SCARB2: variants seen among roughly 807,000 people sequenced by gnomAD.
SCARB2 encodes lysosome membrane protein 2.
SCARB2 carries 29 observed loss-of-function variants against 58.6 expected under a neutral mutation model. That is an observed-to-expected ratio of 0.49 (90% CI 0.37 to 0.67). The LOEUF (loss-of-function observed/expected upper bound fraction) is 0.67. Among genes scored for constraint, SCARB2 ranks in the 30% least tolerant of loss-of-function variants. The pLI is 0.00. For missense variants in SCARB2, 488 were observed against 578.5 expected (o/e 0.84, Z 1.60); for synonymous variants, 195 against 210.1 (o/e 0.93, Z 0.62).
chr4:76,214,137 C>T (rs1733149828), upstream of SCARB2: 4 of 441,800 alleles, frequency 9.1e-6, no homozygotes, highest in Non-Finnish European at 9.1e-6. Context: ...CTGAGGGCCT[C>T]CCATGGGCCA....
At chr4:76,212,667 G>A (rs1733078169) in intron 1 of SCARB2, among the ~76,000 whole-genome samples, 1 of 152,208 alleles carries the variant, frequency 6.6e-6, no homozygotes, top group African/African-American at 2.4e-5. Flanking sequence ...GTGGGGGAAA[G>A]GGCAGATGAA....
chr4:76,174,467 C>T (rs1162347157), intron 6 of SCARB2, 154 bp from the exon 7 acceptor site: 13 of 681,210 alleles, frequency 1.9e-5, no homozygotes, highest in South Asian at 1.3e-4. Flanking sequence ...GTCAACTCAA[C>T]GTGTAATAAA....
chr4:76,169,735 C>T, intron 8 of SCARB2, 132 bp downstream of exon 8: 1 of 806,400 alleles, frequency 1.2e-6, no homozygotes, highest in Non-Finnish European at 2.1e-6. Flanking sequence ...CAGCACTGAG[C>T]TGAATTTCTC....
Position 76,169,890 on chromosome 4 carries a change from C to T in SCARB2, c.1090G>A (p.Glu364Lys), listed in dbSNP as rs765773965. 1 of 1,613,688 alleles carries T rather than the reference C, an allele frequency of 6.2e-7. No individual in the cohort carries two copies. Among genetic ancestry groups the T allele is most frequent in the Admixed American group, 1.7e-5 (1 of 60,022 alleles). ...ACAGGATTAATGTCCACAAATGTCTCATGGTCTTCCTGATTTGGGTGCATG... is the reference window on the plus strand; with the variant it reads ...ACAGGATTAATGTCCACAAATGTCTTATGGTCTTCCTGATTTGGGTGCATG... ...EGMHPNQEDH[E>K]TFVDINPLTG... The change falls in exon 8 of 12, where the codon GAG becomes AAG. Residue 364 changes from glutamate (E) to lysine (K), a missense_variant. Physicochemically the swap from Glu to Lys is moderately conservative, Grantham distance 56. Transcript: ENST00000264896.
At chr4:76,210,831 T>G (rs1486108895) in intron 1 of SCARB2, among the ~76,000 whole-genome samples, 1 of 152,248 alleles carries the variant, frequency 6.6e-6, no homozygotes, top group Non-Finnish European at 1.5e-5. Context: ...GACAACTTTT[T>G]GGATAGGAAT....
intron 1 of SCARB2, among the ~76,000 whole-genome samples, chr4:76,212,560 A>G (rs959119334): frequency 6.6e-6 from 1 of 152,224 alleles, no homozygotes. Context: ...GGATGCTAAC[A>G]AGAAAGGCTG....
At chr4:76,186,451 G>A (rs762456010) in intron 2 of SCARB2, among the ~76,000 whole-genome samples, 4 of 151,932 alleles carry the variant, frequency 2.6e-5, no homozygotes, top group Admixed American at 1.3e-4. Context: ...CAGAGAAGAG[G>A]GAAAGCAAGG....
intron 8 of SCARB2, among the ~76,000 whole-genome samples, chr4:76,169,341 C>CACACACACATAT (rs3217498): frequency 0.02 from 3,068 of 151,176 alleles, 52 homozygotes; most frequent in Middle Eastern, 0.041. Context: ...CACACACACA[C>CACACACACATAT]GTGTGTATGT....
intron 2 of SCARB2, among the ~76,000 whole-genome samples, chr4:76,188,232 C>A (rs1470163430): frequency 1.3e-5 from 2 of 152,160 alleles, no homozygotes; most frequent in Non-Finnish European, 2.9e-5. Context: ...AACTTTGATA[C>A]AAATTTTATA....
At chr4:76,163,578 A>G (rs2109932125) in intron 10 of SCARB2, 195 bp from the exon 11 acceptor site, 1 of 626,590 alleles carries the variant, frequency 1.6e-6, no homozygotes. Context: ...TCTCCTGAAG[A>G]CATTTTTTTT....
At chr4:76,211,875 C>T (rs955223161) in intron 1 of SCARB2, among the ~76,000 whole-genome samples, 3 of 152,224 alleles carry the variant, frequency 2.0e-5, no homozygotes, top group Admixed American at 2.0e-4. Context: ...TGAAAGTCCA[C>T]TTCCCTGTAC....
At chr4:76,179,738 T>A in intron 3 of SCARB2, 33 bp from the exon 4 acceptor site, 1 of 1,556,348 alleles carries the variant, frequency 6.4e-7, no homozygotes, top group Non-Finnish European at 8.9e-7. Context: ...GACAGCAGCA[T>A]CCCCTCCAAA....
chr4:76,179,813 T>C (rs563251544), intron 3 of SCARB2, 108 bp from the exon 4 acceptor site: 5 of 899,824 alleles, frequency 5.6e-6, no homozygotes, highest in East Asian at 2.4e-5. Context: ...AATGTAAAGG[T>C]TGAGATTAAA....
At chr4:76,222,234 T>C (rs1250798238) in intron 1 of SCARB2, among the ~76,000 whole-genome samples, 4 of 151,990 alleles carry the variant, frequency 2.6e-5, no homozygotes, top group African/African-American at 9.7e-5. Context: ...CTTCTTTTTT[T>C]TTTTTTTTCT....
At position 76,161,483 on chromosome 4, in the gene SCARB2, A is replaced by G. The variant is rs965514643; in HGVS notation, c.*230T>C. ...TACAAGGGTTTATTAAATACTTGCT[A>G]GACACATAAAAGAACAATTTCAGAG... On this transcript the variant is annotated 3_prime_UTR_variant, in exon 12 of 12. Coordinates refer to ENST00000264896, the MANE Select transcript of SCARB2 (RefSeq NM_005506.4). 3.4e-6 allele frequency: 2 copies of G among 587,450 alleles called. No individual in the cohort carries two copies. The highest frequency in any genetic ancestry group is 1.9e-5 in the African/African-American group (1 of 53,460). 36.4% of individuals were successfully genotyped at this position (587,450 alleles called of 1,614,324 possible).
At chr4:76,233,362 C>T (rs1158509249) in intron 1 of SCARB2, among the ~76,000 whole-genome samples, 2 of 152,176 alleles carry the variant, frequency 1.3e-5, no homozygotes, top group African/African-American at 2.4e-5. Context: ...TTTAGCAAAC[C>T]TTGCATCTGA....
At chr4:76,202,730 C>CAT (rs992061995) in intron 1 of SCARB2, among the ~76,000 whole-genome samples, 36 of 152,230 alleles carry the variant, frequency 2.4e-4, no homozygotes, top group African/African-American at 8.4e-4. Context: ...CTGGTCTAGT[C>CAT]ATATATATGT....
rs746755558 is a variant in SCARB2, at chr4:76,213,571, G to GGCCGC, written c.-33_-29dup. The GGCCGC allele has an allele frequency of 1.1e-5, 18 of 1,579,370 alleles. No homozygotes were observed. Among genetic ancestry groups the GGCCGC allele is most frequent in the Non-Finnish European group, 1.6e-5 (18 of 1,153,950 alleles). ...TGTGCGCCGCTCACGGGCCGGGCCG[G>GGCCGC]GCCGCACCCGCCAGGGATCCAACTG... On this transcript the variant is annotated 5_prime_UTR_variant, in exon 1 of 12. Coordinates refer to ENST00000264896, the MANE Select transcript of SCARB2 (RefSeq NM_005506.4).
intron 10 of SCARB2, chr4:76,165,994 G>A: frequency 1.7e-6 from 1 of 575,916 alleles, no homozygotes. Flanking sequence ...TTTCCTACGT[G>A]AGCAGCTCCC....
Sources: allele counts gnomAD v4.1 joint callset (sites outside exome capture counted in the v4.1 genomes callset), GRCh38; gene constraint gnomAD v4.1.1; transcripts MANE v1.5; gene names NCBI Gene and HGNC (gene_info 2026-07-23, HGNC 2026-07-21).